Variants in COL22A1 observed in about 807,000 individuals in gnomAD.
COL22A1 encodes collagen alpha-1(XXII) chain.
Under a neutral mutation model 248.9 loss-of-function variants are expected in COL22A1, and 221 were observed. The observed-to-expected ratio is 0.89, with a 90% CI of 0.80 to 0.99. COL22A1 has a LOEUF of 0.99. Ranked by LOEUF, COL22A1 falls within the 50% of genes least tolerant of loss-of-function variation. The pLI is 0.00. For synonymous variants in COL22A1, 891 were observed against 793.4 expected (o/e 1.12, Z -2.07); for missense variants, 2,240 against 2,179.0 (o/e 1.03, Z -0.56).
intron 63 of COL22A1, 44 bp from the exon 64 acceptor site, chr8:138,591,545 G>A (rs2131772251): frequency 6.9e-7 from 1 of 1,444,888 alleles, no homozygotes; most frequent in Non-Finnish European, 9.3e-7. Flanking sequence ...GACCCCCGGG[G>A]AGGACAGAAA....
At chr8:138,671,801 C>A (rs1374182199) in intron 41 of COL22A1, among the ~76,000 whole-genome samples, 2 of 152,312 alleles carry the variant, frequency 1.3e-5, no homozygotes, top group Non-Finnish European at 2.9e-5. Flanking sequence ...AAGCAAACAA[C>A]ACAAACTTAC....
At chr8:138,892,486 C>T (rs1045265232) in intron 1 of COL22A1, among the ~76,000 whole-genome samples, 4 of 152,206 alleles carry the variant, frequency 2.6e-5, no homozygotes, top group Admixed American at 1.3e-4. Context: ...CTCCCCAGCC[C>T]ATCTCAGGTT....
intron 47 of COL22A1, among the ~76,000 whole-genome samples, chr8:138,639,247 G>A (rs1821456885): frequency 6.6e-6 from 1 of 152,166 alleles, no homozygotes. Flanking sequence ...ACAGCTTATA[G>A]AAAGCAAGGT....
chr8:138,757,691 G>T (rs914129944), intron 18 of COL22A1, among the ~76,000 whole-genome samples: 2 of 152,200 alleles, frequency 1.3e-5, no homozygotes, highest in Non-Finnish European at 2.9e-5. Context: ...ATTCACTCTC[G>T]TTCCCTATGA....
intron 41 of COL22A1, among the ~76,000 whole-genome samples, chr8:138,672,854 C>T (rs1300944034): frequency 6.6e-6 from 1 of 152,208 alleles, no homozygotes; most frequent in East Asian, 1.9e-4. Flanking sequence ...TCCTGGGTTA[C>T]ATGTGGGACC....
chr8:138,672,742 G>A (rs1043119680), intron 41 of COL22A1, among the ~76,000 whole-genome samples: 2 of 152,198 alleles, frequency 1.3e-5, no homozygotes, highest in African/African-American at 4.8e-5. Flanking sequence ...ATTATCACCA[G>A]TATTATCATG....
chr8:138,866,242 C>T (rs1250466555), intron 3 of COL22A1, among the ~76,000 whole-genome samples: 1 of 152,208 alleles, frequency 6.6e-6, no homozygotes, highest in Non-Finnish European at 1.5e-5. Context: ...ATCCCCAAGA[C>T]ATCGCATAAC....
intron 36 of COL22A1, among the ~76,000 whole-genome samples, chr8:138,689,940 C>T (rs1468596890): frequency 6.6e-6 from 1 of 152,120 alleles, no homozygotes; most frequent in African/African-American, 2.4e-5. Flanking sequence ...GAGAAGACTC[C>T]CAGCCAGAAG....
Position 138,693,658 on chromosome 8 carries a change from T to C in COL22A1, c.2742A>G (p.Ala914=). 1 of 1,586,354 alleles carries C rather than the reference T, an allele frequency of 6.3e-7. No homozygotes were observed. The highest frequency in any genetic ancestry group is 2.3e-5 in the East Asian group (1 of 43,028). The change falls in exon 35 of 65, where the codon GCA becomes GCG. Residue 914 remains alanine (A), a synonymous_variant. Transcript: ENST00000303045. ...GQEGAHGAPG[A]AGNPGAPGHV... Reference sequence around the variant, plus strand: ...CATAGGGACTCACGGGGTTTCCAGCTGCTCCAGGAGCCCCATGTGCACCTT... The same window carrying C: ...CATAGGGACTCACGGGGTTTCCAGCCGCTCCAGGAGCCCCATGTGCACCTT...
chr8:138,756,501 T>C (rs11989847), intron 18 of COL22A1, among the ~76,000 whole-genome samples: 33,329 of 152,046 alleles, frequency 0.22, 3,791 homozygotes, highest in African/African-American at 0.29. Context: ...GTATTATTTC[T>C]ATGGTGCCTT....
At chr8:138,805,103 G>T (rs1817385521) in intron 10 of COL22A1, among the ~76,000 whole-genome samples, 1 of 144,128 alleles carries the variant, frequency 6.9e-6, no homozygotes, top group Non-Finnish European at 1.5e-5. Flanking sequence ...GTGTATGGTG[G>T]TGTGTGTGTG....
chr8:138,697,885 A>G (rs905797219), intron 32 of COL22A1, among the ~76,000 whole-genome samples: 1 of 152,170 alleles, frequency 6.6e-6, no homozygotes, highest in Non-Finnish European at 1.5e-5. Flanking sequence ...ATTGCCCACA[A>G]TGAAACTTTT....
chr8:138,622,634 T>C (rs1210007143), intron 52 of COL22A1, among the ~76,000 whole-genome samples: 1 of 152,054 alleles, frequency 6.6e-6, no homozygotes, highest in East Asian at 1.9e-4. Context: ...TTTATGCGGG[T>C]TTTATGGAGT....
chr8:138,700,562 G>T (rs1827870337), intron 31 of COL22A1, among the ~76,000 whole-genome samples: 1 of 152,220 alleles, frequency 6.6e-6, no homozygotes, highest in African/African-American at 2.4e-5. Flanking sequence ...GGATGCAGGT[G>T]CGTAGTAGAC....
chr8:138,671,831 C>T (rs897868612), intron 41 of COL22A1, among the ~76,000 whole-genome samples: 9 of 152,168 alleles, frequency 5.9e-5, no homozygotes, highest in African/African-American at 2.2e-4. Flanking sequence ...AAATACTGTA[C>T]AGTACTATAA....
chr8:138,649,881 T>C, intron 45 of COL22A1, 103 bp from the exon 46 acceptor site: 1 of 676,584 alleles, frequency 1.5e-6, no homozygotes. Context: ...AGATGGAGAT[T>C]TGGTTTTTAA....
At position 138,723,561 on chromosome 8, in the gene COL22A1, C is replaced by A. The variant is rs185427965; in HGVS notation, c.2247+1054G>T. Reference sequence around the variant, plus strand: ...CCGATCTGCATACTTTCTGATGAGCCCTTTGGATCGGATGGGATTGCTCAT... The same window carrying A: ...CCGATCTGCATACTTTCTGATGAGCACTTTGGATCGGATGGGATTGCTCAT... On this transcript the variant is annotated intron_variant, in intron 25 of 64. Transcript: ENST00000303045. Among the ~76,000 whole-genome samples the A allele has an allele frequency of 4.8e-4, 73 of 152,262 alleles. 1 individual carries two copies. The Middle Eastern group carries it at 0.01, about 21-fold the overall frequency.
chr8:138,702,687 C>A (rs966848156), intron 31 of COL22A1, among the ~76,000 whole-genome samples: 4 of 151,834 alleles, frequency 2.6e-5, no homozygotes, highest in African/African-American at 7.3e-5. Context: ...ATAATAATAG[C>A]AATTTTTAAG....
At chr8:138,641,404 G>A (rs1821688484) in intron 47 of COL22A1, among the ~76,000 whole-genome samples, 2 of 152,164 alleles carry the variant, frequency 1.3e-5, no homozygotes, top group African/African-American at 4.8e-5. Context: ...GCTTTTCGTA[G>A]GGGACAGAAT....
Sources: allele counts gnomAD v4.1 joint callset (sites outside exome capture counted in the v4.1 genomes callset), GRCh38; gene constraint gnomAD v4.1.1; transcripts MANE v1.5; gene names NCBI Gene and HGNC (gene_info 2026-07-23, HGNC 2026-07-21).